Variants in LSAMP observed in about 807,000 individuals in gnomAD.
LSAMP encodes the protein limbic system associated membrane protein, also known as limbic system-associated membrane protein.
A neutral mutation model predicts 38.6 loss-of-function variants in LSAMP; 7 were observed. The ratio of observed to expected loss-of-function variants is 0.18; its 90% CI spans 0.10 to 0.34. LSAMP has a LOEUF of 0.34. LSAMP is among the 10% of genes least tolerant of loss of function. LSAMP has a pLI of 1.00. For synonymous variants in LSAMP, 154 were observed against 166.8 expected (o/e 0.92, Z 0.59); for missense variants, 313 against 420.0 (o/e 0.75, Z 2.23).
intron 3 of LSAMP, among the ~76,000 whole-genome samples, chr3:115,862,985 C>T (rs1464053661): frequency 6.6e-6 from 1 of 152,254 alleles, no homozygotes; most frequent in Non-Finnish European, 1.5e-5. Context: ...CCCATGCGCT[C>T]CTAGAAGGCT....
chr3:116,329,582 T>C (rs2047822144), intron 1 of LSAMP, among the ~76,000 whole-genome samples: 1 of 152,126 alleles, frequency 6.6e-6, no homozygotes, highest in East Asian at 1.9e-4. Context: ...TTCTTAGCTA[T>C]CAAAAATTAC....
chr3:116,345,718 G>GA (rs1420704190), intron 1 of LSAMP, among the ~76,000 whole-genome samples: 2 of 151,766 alleles, frequency 1.3e-5, no homozygotes, highest in Non-Finnish European at 2.9e-5. Flanking sequence ...ACCTAAAGAA[G>GA]AAAAAAATAT....
intron 2 of LSAMP, among the ~76,000 whole-genome samples, chr3:116,035,940 A>C (rs1941035595): frequency 6.6e-6 from 1 of 152,204 alleles, no homozygotes; most frequent in Non-Finnish European, 1.5e-5. Flanking sequence ...ATGTGAGGTA[A>C]GCAATATGGA....
chr3:116,012,036 G>C lies in LSAMP; in HGVS notation c.514+7479C>G, dbSNP rs1444826723. Among the ~76,000 whole-genome samples, 3 of 152,142 alleles carry C rather than the reference G, an allele frequency of 2.0e-5. No homozygotes were observed. The East Asian group carries it at 5.8e-4, about 29-fold the overall frequency. ...AAAGTCCATTGTGGACAGTCCACAGGAGCTTTACAACCAAATGAGGCTTTT... is the reference window on the plus strand; with the variant it reads ...AAAGTCCATTGTGGACAGTCCACAGCAGCTTTACAACCAAATGAGGCTTTT... On this transcript the variant is annotated intron_variant, in intron 3 of 6. Coordinates refer to ENST00000490035, the MANE Select transcript of LSAMP (RefSeq NM_002338.5).
chr3:115,962,106 G>T (rs1938645847), intron 3 of LSAMP, among the ~76,000 whole-genome samples: 1 of 152,150 alleles, frequency 6.6e-6, no homozygotes, highest in South Asian at 2.1e-4. Flanking sequence ...AAACAGTAAA[G>T]AGACCTTAAT....
intron 2 of LSAMP, among the ~76,000 whole-genome samples, chr3:116,040,754 T>C (rs1347706868): frequency 6.6e-6 from 1 of 152,140 alleles, no homozygotes; most frequent in African/African-American, 2.4e-5. Context: ...CTTTCTTCCT[T>C]TTTTTTCTTT....
intron 1 of LSAMP, among the ~76,000 whole-genome samples, chr3:116,375,318 A>C (rs1386762975): frequency 6.6e-6 from 1 of 151,990 alleles, no homozygotes; most frequent in East Asian, 1.9e-4. Context: ...TGTTAATATT[A>C]AAAAACAGGC....
At chr3:115,983,191 A>T (rs1201989176) in intron 3 of LSAMP, among the ~76,000 whole-genome samples, 1 of 152,042 alleles carries the variant, frequency 6.6e-6, no homozygotes, top group Admixed American at 6.6e-5. Flanking sequence ...GGAAAATCTT[A>T]GCATTTGACA....
At chr3:116,012,375 C>T (rs959930496) in intron 3 of LSAMP, among the ~76,000 whole-genome samples, 12 of 152,096 alleles carry the variant, frequency 7.9e-5, no homozygotes, top group African/African-American at 2.9e-4. Flanking sequence ...GTATAATCAT[C>T]TCTTGAAACA....
chr3:116,397,247 C>T (rs533055660), intron 1 of LSAMP, among the ~76,000 whole-genome samples: 3 of 152,206 alleles, frequency 2.0e-5, no homozygotes, highest in Admixed American at 2.0e-4. Flanking sequence ...CCACTCACTC[C>T]ACTTTAGACA....
chr3:116,445,123 C>A lies in LSAMP; in HGVS notation c.-92G>T, dbSNP rs1387586774. ...GCTTCACCAACACGGGGCTTTCATC[C>A]ACAGCGAGCGCAGAGCGGGCTTTGC... On this transcript the variant is annotated 5_prime_UTR_variant, in exon 1 of 7. Transcript: ENST00000490035. 3.0e-6 allele frequency: 4 copies of A among 1,339,284 alleles called. No individual in the cohort carries two copies. Among genetic ancestry groups the A allele is most frequent in the Non-Finnish European group, 4.1e-6 (4 of 979,058 alleles). The allele number at this position is 1,339,284 out of a possible 1,614,324, so 83.0% of individuals were successfully genotyped here. A position where few individuals can be genotyped will look rare whatever the true frequency, so the allele number is the denominator to read the frequency against.
intron 1 of LSAMP, among the ~76,000 whole-genome samples, chr3:116,337,221 TA>T (rs1454526165): frequency 2.0e-5 from 3 of 151,832 alleles, no homozygotes; most frequent in Non-Finnish European, 2.9e-5. Flanking sequence ...TTTTACAATA[TA>T]AAAAAATGTT....
intron 1 of LSAMP, among the ~76,000 whole-genome samples, chr3:116,210,864 G>T (rs958317789): frequency 6.6e-6 from 1 of 152,064 alleles, no homozygotes; most frequent in Non-Finnish European, 1.5e-5. Flanking sequence ...TCAGTGTGTC[G>T]AAGAGATATC....
chr3:115,923,044 C>G (rs966246248), intron 3 of LSAMP, among the ~76,000 whole-genome samples: 4 of 152,204 alleles, frequency 2.6e-5, no homozygotes, highest in African/African-American at 9.6e-5. Flanking sequence ...AACACACACT[C>G]TGTTACTCTC....
At chr3:116,323,906 C>T (rs2047738482) in intron 1 of LSAMP, among the ~76,000 whole-genome samples, 1 of 152,158 alleles carries the variant, frequency 6.6e-6, no homozygotes, top group African/African-American at 2.4e-5. Context: ...ATCTTCAACC[C>T]TTCCTTCCAA....
chr3:116,138,629 A>G (rs1423997031), intron 1 of LSAMP, among the ~76,000 whole-genome samples: 3 of 151,978 alleles, frequency 2.0e-5, no homozygotes, highest in African/African-American at 7.2e-5. Flanking sequence ...TCCAGTCTGG[A>G]GGTCTCAGTA....
At chr3:115,936,016 ATTCAG>A (rs1404355137) in intron 3 of LSAMP, among the ~76,000 whole-genome samples, 25 of 152,288 alleles carry the variant, frequency 1.6e-4, no homozygotes, top group Middle Eastern at 3.4e-3. Context: ...TCTCAATTCA[ATTCAG>A]TTCAGTTAAC....
intron 3 of LSAMP, among the ~76,000 whole-genome samples, chr3:115,854,913 A>AT (rs1335092706): frequency 6.6e-6 from 1 of 152,236 alleles, no homozygotes; most frequent in African/African-American, 2.4e-5. Flanking sequence ...AGCATTATTT[A>AT]TTTTGAGAAT....
At chr3:116,008,822 G>A (rs1198022493) in intron 3 of LSAMP, among the ~76,000 whole-genome samples, 1 of 152,174 alleles carries the variant, frequency 6.6e-6, no homozygotes, top group Non-Finnish European at 1.5e-5. Flanking sequence ...AAGGACAGCA[G>A]CTTTCTCCAC....
Sources: gnomAD v4.1 joint callset for allele counts (sites outside exome capture counted in the v4.1 genomes callset) on GRCh38, gnomAD v4.1.1 for gene constraint, MANE v1.5 for transcripts, NCBI Gene and HGNC (gene_info 2026-07-23, HGNC 2026-07-21) for gene names.